The following PTPRE variants were observed in gnomAD, a reference collection of about 807,000 sequenced individuals.
PTPRE encodes the protein receptor-type tyrosine-protein phosphatase epsilon.
Under a neutral mutation model 102.0 loss-of-function variants are expected in PTPRE, and 51 were observed. The ratio of observed to expected loss-of-function variants is 0.50; its 90% CI spans 0.40 to 0.63. The LOEUF is 0.63. PTPRE is among the 30% of genes least tolerant of loss of function. PTPRE has a pLI of 0.00. For synonymous variants in PTPRE, 345 were observed against 348.2 expected (o/e 0.99, Z 0.10); for missense variants, 752 against 915.1 (o/e 0.82, Z 2.30).
chr10:128,049,242 G>A (rs947558270), intron 5 of PTPRE, among the ~76,000 whole-genome samples: 2 of 152,108 alleles, frequency 1.3e-5, no homozygotes, highest in African/African-American at 4.8e-5. Flanking sequence ...TGGGAGGGTG[G>A]GTGGATGAGT....
chr10:128,084,897 T>C lies in PTPRE; in HGVS notation c.*1991T>C. 4.4e-6 allele frequency: 1 copy of C among 226,768 alleles called. No individual in the cohort carries two copies. The highest frequency in any genetic ancestry group is 5.0e-5 in the Admixed American group (1 of 20,180). 14.0% of individuals were successfully genotyped at this position (226,768 alleles called of 1,614,324 possible). ...TCTAGGAGCCCTCTGTCAGAATCCT[T>C]GAAGCCCTTTAATGGTCTAACTGGC... On this transcript the variant is annotated 3_prime_UTR_variant, in exon 21 of 21. Coordinates refer to ENST00000254667, the MANE Select transcript of PTPRE (RefSeq NM_006504.6).
At chr10:128,069,892 C>A (rs1052000405) in intron 13 of PTPRE, 65 bp downstream of exon 13, 151 of 1,609,964 alleles carry the variant, frequency 9.4e-5, no homozygotes, top group Middle Eastern at 3.3e-4. Flanking sequence ...CTTCGCCACA[C>A]AGGTGTGCAG....
intron 15 of PTPRE, chr10:128,071,841 C>A: frequency 3.7e-6 from 1 of 268,886 alleles, no homozygotes; most frequent in Non-Finnish European, 7.1e-6. Context: ...CTTGCCTGGC[C>A]ACATTCCATT....
intron 17 of PTPRE, among the ~76,000 whole-genome samples, chr10:128,074,393 C>T (rs773527751): frequency 1.3e-5 from 2 of 152,204 alleles, no homozygotes; most frequent in South Asian, 2.1e-4. Flanking sequence ...TTGCTTGGTG[C>T]GGTTGCTCAC....
intron 1 of PTPRE, among the ~76,000 whole-genome samples, chr10:127,975,367 C>G (rs1294165284): frequency 6.6e-6 from 1 of 152,204 alleles, no homozygotes; most frequent in African/African-American, 2.4e-5. Context: ...TGCTATTTCC[C>G]TTATTCGTGA....
chr10:127,948,910 G>A (rs1848818154), intron 1 of PTPRE, among the ~76,000 whole-genome samples: 1 of 152,196 alleles, frequency 6.6e-6, no homozygotes, highest in Non-Finnish European at 1.5e-5. Context: ...CAGTGTGCAT[G>A]GGCAACATCC....
At chr10:128,067,061 T>A (rs563871572) in intron 11 of PTPRE, among the ~76,000 whole-genome samples, 6 of 138,840 alleles carry the variant, frequency 4.3e-5, no homozygotes, top group South Asian at 4.7e-4. Context: ...TGCATGCACA[T>A]GCACACGTAC....
At chr10:127,975,790 T>C (rs571860110) in intron 1 of PTPRE, among the ~76,000 whole-genome samples, 11 of 152,248 alleles carry the variant, frequency 7.2e-5, no homozygotes, top group African/African-American at 1.4e-4. Context: ...CCGAGCCCAA[T>C]TGGAGGAGCG....
chr10:128,062,855 G>A (rs1849728466), intron 9 of PTPRE: 1 of 648,974 alleles, frequency 1.5e-6, no homozygotes, highest in Non-Finnish European at 2.5e-6. Flanking sequence ...CTCAACCTGG[G>A]CCCAATTATC....
In PTPRE at chr10:128,070,322, C is replaced by T. The variant is rs752997550; in HGVS notation, c.1165C>T (p.Gln389Ter). Residue 389 changes from glutamine (Q) to a stop codon, truncating the protein, a stop_gained, in exon 14 of 21, where the codon CAA (glutamine) becomes TAA (stop). Coordinates refer to ENST00000254667, the MANE Select transcript of PTPRE (RefSeq NM_006504.6). LOFTEE classifies it high-confidence loss of function. This position sits in a 1 kb window ranked among gnomAD's most constrained non-coding sequence, Gnocchi z 4.8. The part of the protein sequence containing the change: ...QTDMQYTFIY[Q>*]ALLEYYLYGD... The stretch of plus-strand genomic sequence containing the variant: ...GCAGATGCAGTACACGTTCATCTAC[C>T]AAGCCTTACTCGAGTACTACCTCTA... The T allele has an allele frequency of 1.9e-6, 3 of 1,612,798 alleles. No individual in the cohort carries two copies. Among genetic ancestry groups the T allele is most frequent in the Non-Finnish European group, 2.5e-6 (3 of 1,179,390 alleles).
At chr10:128,043,456 A>C (rs974381137) in intron 3 of PTPRE, among the ~76,000 whole-genome samples, 24 of 152,206 alleles carry the variant, frequency 1.6e-4, no homozygotes, top group Non-Finnish European at 1.0e-4. Context: ...CTCAGGCGAT[A>C]ATGCCTGCTC....
At chr10:128,072,012 C>A in intron 15 of PTPRE, 126 bp from the exon 16 acceptor site, 1 of 683,512 alleles carries the variant, frequency 1.5e-6, no homozygotes. Flanking sequence ...GTAAACTTTC[C>A]AAAGAGTTGG....
chr10:128,038,805 A>AAT lies in PTPRE; in HGVS notation c.-7-2060_-7-2059dup, dbSNP rs942181855. Among the ~76,000 whole-genome samples, 406 of 152,180 alleles carry AAT rather than the reference A, an allele frequency of 2.7e-3. 5 individuals are homozygous for AAT. Among genetic ancestry groups the AAT allele is most frequent in the Non-Finnish European group, 9.3e-4 (63 of 68,008 alleles). ...CATGTACCCTAGAACTTAAAGTATA[A>AAT]ATATATATATACATATAAAAAATGG... On this transcript the variant is annotated intron_variant, in intron 2 of 20. Coordinates refer to ENST00000254667, the MANE Select transcript of PTPRE (RefSeq NM_006504.6).
At chr10:127,929,402 T>C (rs1442524557) in intron 1 of PTPRE, 1 of 152,224 alleles carries the variant, frequency 6.6e-6, no homozygotes, top group Non-Finnish European at 1.5e-5. Context: ...TAAAACTGAT[T>C]TATTTTTAAG....
In PTPRE at chr10:128,070,099, A is replaced by G. The variant is rs1308047288; in HGVS notation, c.1144-202A>G. ...AGTGCGTGGCGTGCTCACCAATGTG[A>G]GGCTCTGCTGCTACCGTTCTCCTTA... On this transcript the variant is annotated intron_variant, in intron 13 of 20. Coordinates refer to ENST00000254667, the MANE Select transcript of PTPRE (RefSeq NM_006504.6). This position sits in a 1 kb window ranked among gnomAD's most constrained non-coding sequence, Gnocchi z 4.8. 4 of 705,862 alleles carry G rather than the reference A, an allele frequency of 5.7e-6. No homozygotes were observed. Among genetic ancestry groups the G allele is most frequent in the African/African-American group, 5.4e-5 (3 of 55,778 alleles). The allele number at this position is 705,862 out of a possible 1,614,324, so 43.7% of individuals were successfully genotyped here.
chr10:128,078,324 G>A (rs534561412), intron 19 of PTPRE, among the ~76,000 whole-genome samples: 13 of 152,232 alleles, frequency 8.5e-5, no homozygotes, highest in Non-Finnish European at 1.3e-4. Flanking sequence ...TGCTTAGTCC[G>A]CAGGTGAAGG....
intron 2 of PTPRE, among the ~76,000 whole-genome samples, chr10:127,994,000 G>A (rs1270544616): frequency 6.6e-6 from 1 of 152,132 alleles, no homozygotes; most frequent in Non-Finnish European, 1.5e-5. Context: ...TGAGTTGAGG[G>A]GTCATACCCC....
At chr10:127,959,367 C>T (rs1849636294) in intron 1 of PTPRE, among the ~76,000 whole-genome samples, 1 of 152,182 alleles carries the variant, frequency 6.6e-6, no homozygotes, top group South Asian at 2.1e-4. Flanking sequence ...CAATAGCCTC[C>T]TACTGAACCC....
intron 1 of PTPRE, among the ~76,000 whole-genome samples, chr10:127,952,383 T>G: frequency 7.1e-6 from 1 of 141,370 alleles, no homozygotes. Flanking sequence ...AAAAGTTTAG[T>G]CTAAGATGAA....
Sources: allele counts gnomAD v4.1 joint callset (sites outside exome capture counted in the v4.1 genomes callset), GRCh38; gene constraint gnomAD v4.1.1; non-coding constraint Gnocchi (gnomAD v3.1); transcripts MANE v1.5; gene names NCBI Gene and HGNC (gene_info 2026-07-23, HGNC 2026-07-21).